Variants in EXOC4 observed in about 807,000 individuals in gnomAD.
EXOC4 encodes SEC8-like 1.
In EXOC4, 71 loss-of-function variants were observed where a neutral mutation model predicts 107.2. The ratio of observed to expected loss-of-function variants is 0.66; its 90% CI spans 0.55 to 0.81. The LOEUF is 0.81. Among genes scored for constraint, EXOC4 ranks in the 30% least tolerant of loss-of-function variants. The pLI is 0.00. For synonymous variants in EXOC4, 456 were observed against 441.2 expected, an observed-to-expected ratio of 1.03 and a Z score of -0.42; for missense variants, 1,108 against 1,189.6, an observed-to-expected ratio of 0.93 and a Z score of 1.01.
At chr7:134,019,812 CCTTT>C (rs1794988793) in intron 17 of EXOC4, among the ~76,000 whole-genome samples, 2 of 151,924 alleles carry the variant, frequency 1.3e-5, no homozygotes, top group South Asian at 2.1e-4. Context: ...TTTCTTTTTT[CCTTT>C]ATTTTCTCTG....
In EXOC4 at chr7:133,528,593, T is replaced by A. The variant is rs6949984; in HGVS notation, c.1417+48455T>A. On this transcript the variant is annotated intron_variant, in intron 9 of 17. Coordinates refer to ENST00000253861, the MANE Select transcript of EXOC4 (RefSeq NM_021807.4). ...TTTATATGTTGATTCATTCAAATAC[T>A]GAGTGACCATATAATATTTTAAGTC... 2.0e-5 allele frequency among the ~76,000 whole-genome samples: 3 copies of A among 152,222 alleles called. No homozygotes were observed. In the East Asian group the frequency reaches 5.8e-4, roughly 29 times the overall value.
chr7:133,560,864 A>G lies in EXOC4; in HGVS notation c.1418-69181A>G, dbSNP rs573430820. On this transcript the variant is annotated intron_variant, in intron 9 of 17. Coordinates refer to ENST00000253861, the MANE Select transcript of EXOC4 (RefSeq NM_021807.4). ...ACAGAGATTAAATGTTTAGGATACA[A>G]TGAATTGGCATTTGTATCAGGAATG... Among the ~76,000 whole-genome samples the G allele has an allele frequency of 3.9e-5, 6 of 152,334 alleles. No homozygotes were observed. In the South Asian group the frequency reaches 1.2e-3, roughly 32 times the overall value.
the EXOC4 span, among the ~76,000 whole-genome samples, chr7:134,091,608 G>T: frequency 6.6e-6 from 1 of 152,210 alleles, no homozygotes; most frequent in Non-Finnish European, 1.5e-5. Context: ...TCAAGATGGA[G>T]TTGCTCTGGT....
At chr7:133,631,617 T>G (rs1802593033) in intron 10 of EXOC4, among the ~76,000 whole-genome samples, 1 of 152,048 alleles carries the variant, frequency 6.6e-6, no homozygotes, top group African/African-American at 2.4e-5. Flanking sequence ...TAAATTCATT[T>G]AGGAACCATG....
chr7:133,426,212 A>G (rs1375982242), intron 7 of EXOC4, among the ~76,000 whole-genome samples: 2 of 152,158 alleles, frequency 1.3e-5, no homozygotes, highest in African/African-American at 2.4e-5. Flanking sequence ...AGCCTTGGCT[A>G]TTCTATGTTC....
intron 17 of EXOC4, among the ~76,000 whole-genome samples, chr7:134,038,199 AC>A (rs1199002276): frequency 6.6e-6 from 1 of 152,210 alleles, no homozygotes; most frequent in South Asian, 2.1e-4. Flanking sequence ...AACTCATTCA[AC>A]TGAGAGGCAT....
At chr7:133,464,293 CA>C (rs1798664836) in intron 7 of EXOC4, among the ~76,000 whole-genome samples, 1 of 152,124 alleles carries the variant, frequency 6.6e-6, no homozygotes. Flanking sequence ...TTTTGTTTCA[CA>C]GATGAGGGAA....
chr7:133,530,984 G>T (rs1182733712), intron 9 of EXOC4, among the ~76,000 whole-genome samples: 1 of 152,070 alleles, frequency 6.6e-6, no homozygotes, highest in East Asian at 1.9e-4. Context: ...TGTCTCTAAG[G>T]TTGGCCTTTC....
At position 133,762,629 on chromosome 7, in the gene EXOC4, AAAAC is replaced by A. The variant is rs547303911; in HGVS notation, c.1515-54691_1515-54688del. Among the ~76,000 whole-genome samples the A allele has an allele frequency of 9.7e-4, 148 of 152,288 alleles. 1 individual carries two copies. Among genetic ancestry groups the A allele is most frequent in the South Asian group, 8.1e-3 (39 of 4,830 alleles). ...ATTTGTTTATAACAGCAGAAAATGG[AAAAC>A]AAACTAAATAGCAATAGGGAACGTA... is the stretch of plus-strand genomic sequence containing the variant. On this transcript the variant is annotated intron_variant, in intron 10 of 17. Transcript: ENST00000253861.
intron 17 of EXOC4, 97 bp downstream of exon 17, chr7:134,007,932 C>A (rs1794680165): frequency 1.7e-6 from 2 of 1,164,440 alleles, no homozygotes; most frequent in East Asian, 5.0e-5. Flanking sequence ...GCAGAAAAAG[C>A]TTAGTTTAAA....
At chr7:133,438,464 C>A (rs757890326) in intron 7 of EXOC4, among the ~76,000 whole-genome samples, 1 of 152,104 alleles carries the variant, frequency 6.6e-6, no homozygotes, top group Admixed American at 6.5e-5. Context: ...TTAGTTTCTT[C>A]CTTTCTGTTG....
chr7:133,427,966 G>A (rs966203469), intron 7 of EXOC4, among the ~76,000 whole-genome samples: 1 of 152,190 alleles, frequency 6.6e-6, no homozygotes. Context: ...TAACTACCTT[G>A]TGTTTGCAAA....
chr7:133,494,413 G>C (rs1799433385), intron 9 of EXOC4, among the ~76,000 whole-genome samples: 1 of 152,182 alleles, frequency 6.6e-6, no homozygotes, highest in Non-Finnish European at 1.5e-5. Context: ...ATTGTTTATG[G>C]ATATCATTCC....
chr7:133,830,328 A>G (rs1053001264), intron 11 of EXOC4, among the ~76,000 whole-genome samples: 1 of 152,220 alleles, frequency 6.6e-6, no homozygotes, highest in African/African-American at 2.4e-5. Flanking sequence ...ACGCTTTACC[A>G]GAGTGAGCAG....
At chr7:133,281,437 T>C (rs1385804360) in intron 2 of EXOC4, among the ~76,000 whole-genome samples, 1 of 149,618 alleles carries the variant, frequency 6.7e-6, no homozygotes, top group African/African-American at 2.4e-5. Context: ...AGTACTTATA[T>C]GTAGATTTAC....
chr7:134,025,958 C>T (rs1490217051), intron 17 of EXOC4, among the ~76,000 whole-genome samples: 1 of 152,146 alleles, frequency 6.6e-6, no homozygotes, highest in African/African-American at 2.4e-5. Context: ...AATTTAGTCA[C>T]CACTATACTT....
intron 17 of EXOC4, among the ~76,000 whole-genome samples, chr7:134,040,585 A>G (rs760399176): frequency 3.3e-5 from 5 of 152,202 alleles, no homozygotes; most frequent in Non-Finnish European, 7.3e-5. Context: ...GATATTTAAT[A>G]AATATTTGAT....
intron 7 of EXOC4, among the ~76,000 whole-genome samples, chr7:133,376,221 A>G (rs1273910480): frequency 6.6e-6 from 1 of 152,208 alleles, no homozygotes; most frequent in Non-Finnish European, 1.5e-5. Context: ...TTCAGTAGAA[A>G]TAATATTGGT....
chr7:134,038,741 GC>G (rs1393499837), intron 17 of EXOC4, among the ~76,000 whole-genome samples: 1 of 152,134 alleles, frequency 6.6e-6, no homozygotes, highest in Non-Finnish European at 1.5e-5. Flanking sequence ...AAGCAGAGCA[GC>G]CACACCACAG....
Sources: gnomAD v4.1 joint callset for allele counts (sites outside exome capture counted in the v4.1 genomes callset) on GRCh38, gnomAD v4.1.1 for gene constraint, MANE v1.5 for transcripts, NCBI Gene and HGNC (gene_info 2026-07-23, HGNC 2026-07-21) for gene names.